Variants in ZNF670 observed in about 807,000 individuals in gnomAD.
ZNF670 encodes the protein zinc finger protein 670.
ZNF670 carries 7 observed loss-of-function variants against 10.9 expected under a neutral mutation model. The observed-to-expected ratio is 0.64, with a 90% CI of 0.36 to 1.20. The LOEUF (loss-of-function observed/expected upper bound fraction) is 1.20. Among genes scored for constraint, ZNF670 ranks in the 50% most tolerant of loss-of-function variants. The pLI is 0.02. For synonymous variants in ZNF670, 136 were observed against 152.7 expected (o/e 0.89, Z 0.81); for missense variants, 446 against 458.6 (o/e 0.97, Z 0.25).
In ZNF670 at chr1:247,037,599, C is replaced by G. The variant is rs1300863834; in HGVS notation, c.1020G>C (p.Lys340Asn). 2 of 1,613,942 alleles carry G rather than the reference C, an allele frequency of 1.2e-6. No individual in the cohort carries two copies. Among genetic ancestry groups the G allele is most frequent in the Non-Finnish European group, 1.7e-6 (2 of 1,179,998 alleles). Residue 340 changes from lysine (K) to asparagine (N), a missense_variant, in exon 4 of 4, where the codon AAG becomes AAC. Physicochemically the swap from Lys to Asn is moderately conservative, Grantham distance 94. Transcript: ENST00000366503. Reference protein sequence around the residue: ...THTGVKPYGCKECGKSFTSSS... With the variant: ...THTGVKPYGCNECGKSFTSSS... ...AAGAAGTAAACGACTTACCACATTC[C>G]TTACATCCATAAGGTTTCACTCCAG...
In ZNF670 at chr1:247,047,982, T is replaced by C. The variant is rs140181635; in HGVS notation, c.4-8445A>G. On this transcript the variant is annotated intron_variant, in intron 1 of 3. Transcript: ENST00000366503. ...ACATGTCCTAAAGACATTTTCCCCATTGTCTTGGCAATTAACATTTGGCTC... is the reference window on the plus strand; with the variant it reads ...ACATGTCCTAAAGACATTTTCCCCACTGTCTTGGCAATTAACATTTGGCTC... 3.9e-3 allele frequency among the ~76,000 whole-genome samples: 593 copies of C among 152,326 alleles called. 2 individuals carry two copies. The highest frequency in any genetic ancestry group is 0.013 in the African/African-American group (543 of 41,576).
In ZNF670 at chr1:247,078,703, G is replaced by T; in HGVS notation, c.-107C>A. ...ACCACTTGGACCTCCCAGGGATAAG[G>T]GGAAGGAGCAGCGGAGACGCACCGA... is the stretch of plus-strand genomic sequence containing the variant. On this transcript the variant is annotated 5_prime_UTR_variant, in exon 1 of 4. Transcript: ENST00000366503. The T allele has an allele frequency of 7.8e-7, 1 of 1,287,504 alleles. No individual in the cohort carries two copies. The highest frequency in any genetic ancestry group is 1.2e-5 in the South Asian group (1 of 80,002). 79.8% of individuals were successfully genotyped at this position (1,287,504 alleles called of 1,614,324 possible). A position where few individuals can be genotyped will look rare whatever the true frequency, so the allele number is the denominator to read the frequency against.
At position 247,072,822 on chromosome 1, in the gene ZNF670, A is replaced by G. The variant is rs1572574429; in HGVS notation, c.3+5772T>C. Among the ~76,000 whole-genome samples the G allele has an allele frequency of 2.3e-5, 2 of 85,368 alleles. 1 individual carries two copies. The highest frequency in any genetic ancestry group is 8.9e-4 in the South Asian group (2 of 2,238). 56.0% of individuals were successfully genotyped at this position (85,368 alleles called of 152,430 possible). A position where few individuals can be genotyped will look rare whatever the true frequency, so the allele number is the denominator to read the frequency against. ...AGTGTGTGTATATATATATATATAT[A>G]TATATATATATATATATGCATACAC... On this transcript the variant is annotated intron_variant, in intron 1 of 3. Transcript: ENST00000366503.
rs1222327582 is a variant in ZNF670, at chr1:247,068,231, G to A, written c.3+10363C>T. On this transcript the variant is annotated intron_variant, in intron 1 of 3. Transcript: ENST00000366503. ...CTCAGGTGGCTGAGGTAGGAGAATC[G>A]CTTGAACCCAAGAGGCAGAGGTTGC... Among the ~76,000 whole-genome samples, 9 of 143,690 alleles carry A rather than the reference G, an allele frequency of 6.3e-5. 1 individual carries two copies. Among genetic ancestry groups the A allele is most frequent in the African/African-American group, 2.2e-4 (8 of 36,390 alleles). The allele number at this position is 143,690 out of a possible 152,430, so 94.3% of individuals were successfully genotyped here.
intron 1 of ZNF670, among the ~76,000 whole-genome samples, chr1:247,056,072 A>G (rs891898790): frequency 6.6e-6 from 1 of 151,684 alleles, no homozygotes; most frequent in Admixed American, 6.6e-5. Context: ...TAACAGCTAT[A>G]GACTTCAACA....
intron 1 of ZNF670, among the ~76,000 whole-genome samples, chr1:247,075,641 T>G (rs1671234160): frequency 6.9e-6 from 1 of 144,196 alleles, no homozygotes; most frequent in Admixed American, 6.8e-5. Flanking sequence ...GCACAAGCTC[T>G]CTCTCTCTCT....
chr1:247,068,455 T>C (rs940081859), intron 1 of ZNF670, among the ~76,000 whole-genome samples: 1 of 148,888 alleles, frequency 6.7e-6, no homozygotes, highest in Admixed American at 6.6e-5. Flanking sequence ...AAAACTACAA[T>C]AGGATATCAT....
intron 1 of ZNF670, among the ~76,000 whole-genome samples, chr1:247,068,001 G>GA (rs966827367): frequency 6.7e-6 from 1 of 149,974 alleles, no homozygotes; most frequent in Non-Finnish European, 1.5e-5. Flanking sequence ...AACTCTATAG[G>GA]AAAAAAATCT....
chr1:247,053,096 G>A (rs933766920), intron 1 of ZNF670, among the ~76,000 whole-genome samples: 8 of 152,098 alleles, frequency 5.3e-5, no homozygotes, highest in African/African-American at 1.7e-4. Context: ...CAGGCCTCAC[G>A]CAGTTCCCAT....
rs1297083233 is a variant in ZNF670, at chr1:247,037,162, A to C, written c.*287T>G. 1 of 302,700 alleles carries C rather than the reference A, an allele frequency of 3.3e-6. No homozygotes were observed. 18.8% of individuals were successfully genotyped at this position (302,700 alleles called of 1,614,324 possible). On this transcript the variant is annotated 3_prime_UTR_variant, in exon 4 of 4. Coordinates refer to ENST00000366503, the MANE Select transcript of ZNF670 (RefSeq NM_033213.5). The stretch of plus-strand genomic sequence containing the variant: ...AAAACTGAAAATCTAAAGTATAGAC[A>C]CCTTCTTTAACAATGAACCACTGAT...
intron 1 of ZNF670, among the ~76,000 whole-genome samples, chr1:247,047,638 C>A (rs1670483443): frequency 6.6e-6 from 1 of 152,240 alleles, no homozygotes; most frequent in Non-Finnish European, 1.5e-5. Flanking sequence ...GGCTAGGCCA[C>A]TGCAGCAAAC....
chr1:247,043,587 A>G, intron 1 of ZNF670: 1 of 629,816 alleles, frequency 1.6e-6, no homozygotes. Context: ...AATTCACTTC[A>G]GCATTGGGAG....
intron 1 of ZNF670, among the ~76,000 whole-genome samples, chr1:247,067,404 C>T (rs1671007070): frequency 6.8e-6 from 1 of 147,534 alleles, no homozygotes; most frequent in Non-Finnish European, 1.5e-5. Context: ...CCATTGCACT[C>T]CAGCCTGGGT....
At chr1:247,067,699 G>A (rs1337640824) in intron 1 of ZNF670, among the ~76,000 whole-genome samples, 15 of 150,006 alleles carry the variant, frequency 1.0e-4, no homozygotes, top group East Asian at 3.9e-4. Flanking sequence ...AAAATTAGCC[G>A]GGCGTAGTGG....
At chr1:247,065,321 T>C (rs1670955925) in intron 1 of ZNF670, among the ~76,000 whole-genome samples, 2 of 152,142 alleles carry the variant, frequency 1.3e-5, no homozygotes, top group South Asian at 4.2e-4. Flanking sequence ...ATATTCCAAG[T>C]TTGAGAGCCA....
At chr1:247,047,619 C>T (rs762326334) in intron 1 of ZNF670, among the ~76,000 whole-genome samples, 1 of 152,214 alleles carries the variant, frequency 6.6e-6, no homozygotes, top group Non-Finnish European at 1.5e-5. Context: ...AGCATAGGTT[C>T]TCCATGTGGG....
chr1:247,043,988 A>G, intron 1 of ZNF670: 1 of 202,682 alleles, frequency 4.9e-6, no homozygotes, highest in South Asian at 8.8e-5. Flanking sequence ...ACCGAAAAAG[A>G]GAACTTCTTA....
At chr1:247,039,646 C>T (rs778735433) in intron 1 of ZNF670, 109 bp from the exon 2 acceptor site, 1 of 1,201,122 alleles carries the variant, frequency 8.3e-7, no homozygotes, top group Non-Finnish European at 1.1e-6. Context: ...TCAAACATTT[C>T]TTCCATGACC....
intron 1 of ZNF670, among the ~76,000 whole-genome samples, chr1:247,067,430 C>T (rs1671008459): frequency 8.3e-6 from 1 of 121,008 alleles, no homozygotes; most frequent in South Asian, 2.6e-4. Context: ...AGCAAGATCC[C>T]GTCTCAAAAA....
Sources: gnomAD v4.1 joint callset for allele counts (sites outside exome capture counted in the v4.1 genomes callset) on GRCh38, gnomAD v4.1.1 for gene constraint, MANE v1.5 for transcripts, NCBI Gene and HGNC (gene_info 2026-07-23, HGNC 2026-07-21) for gene names.